The following PNPT1 variants were observed in gnomAD, a reference collection of about 807,000 sequenced individuals.
The protein encoded by PNPT1 is polyribonucleotide nucleotidyltransferase 1, also known as polyribonucleotide nucleotidyltransferase 1, mitochondrial.
In PNPT1, 53 loss-of-function variants were observed where a neutral mutation model predicts 119.5. The observed-to-expected ratio is 0.44, with a 90% CI of 0.36 to 0.56. The LOEUF is 0.56. PNPT1 is among the 20% of genes least tolerant of loss of function. The pLI, the probability that PNPT1 is intolerant of heterozygous loss-of-function variation, is 0.00. For missense variants in PNPT1, 948 were observed against 938.5 expected (o/e 1.01, Z -0.13); for synonymous variants, 357 against 322.1 (o/e 1.11, Z -1.16).
intron 1 of PNPT1, among the ~76,000 whole-genome samples, chr2:55,689,701 G>A (rs761324694): frequency 4.6e-5 from 7 of 152,162 alleles, no homozygotes; most frequent in Non-Finnish European, 8.8e-5. Context: ...GGGGAGAAAC[G>A]CTAAGTGACT....
chr2:55,681,098 CT>C (rs1291813082), intron 5 of PNPT1, among the ~76,000 whole-genome samples, 180 bp from the exon 6 acceptor site: 1 of 152,208 alleles, frequency 6.6e-6, no homozygotes, highest in African/African-American at 2.4e-5. Flanking sequence ...ACCTCAAAAG[CT>C]TCCTCATCTT....
intron 18 of PNPT1, among the ~76,000 whole-genome samples, chr2:55,650,141 C>CACCTCTACCTCT (rs75906141): frequency 0.013 from 1,885 of 149,922 alleles, 29 homozygotes; most frequent in African/African-American, 0.031. Context: ...TCCCTCTCTC[C>CACCTCTACCTCT]ACCTCTACCT....
chr2:55,678,408 T>C (rs908761397), intron 8 of PNPT1, among the ~76,000 whole-genome samples: 7 of 152,252 alleles, frequency 4.6e-5, no homozygotes, highest in Admixed American at 2.0e-4. Flanking sequence ...GTCGAGGCTA[T>C]AGTCATGTGC....
At chr2:55,684,825 A>G (rs1172034374) in intron 4 of PNPT1, 118 bp downstream of exon 4, 2 of 1,238,242 alleles carry the variant, frequency 1.6e-6, no homozygotes, top group African/African-American at 1.5e-5. Context: ...GAATAATCTT[A>G]GGTGGTGTTA....
intron 3 of PNPT1, 39 bp from the exon 4 acceptor site, chr2:55,685,087 T>C: frequency 1.3e-6 from 2 of 1,493,232 alleles, no homozygotes; most frequent in Non-Finnish European, 1.8e-6. Flanking sequence ...TAATTCTTTT[T>C]GCAGAAACAA....
At chr2:55,649,888 T>C (rs1052023140) in intron 18 of PNPT1, among the ~76,000 whole-genome samples, 1 of 152,218 alleles carries the variant, frequency 6.6e-6, no homozygotes, top group Admixed American at 6.5e-5. Flanking sequence ...ATAAACTTTT[T>C]CATGGTATAC....
At position 55,673,039 on chromosome 2, in the gene PNPT1, G is replaced by A; in HGVS notation, c.720C>T (p.Asp240=). The A allele has an allele frequency of 6.2e-7, 1 of 1,611,278 alleles. No individual in the cohort carries two copies. Among genetic ancestry groups the A allele is most frequent in the Non-Finnish European group, 8.5e-7 (1 of 1,179,414 alleles). ...CTCCCACTTTGATAGCATGGCAAAA[G>A]TCCTGCTGTAAAATGTTCTCTGCAG... is the stretch of plus-strand genomic sequence containing the variant. ...EASAENILQQ[D]FCHAIKVGVK... is the part of the protein sequence containing the mutation. The change falls in exon 9 of 28, where the codon GAC becomes GAT. Residue 240 remains aspartate (D), a synonymous_variant. Transcript: ENST00000447944.
chr2:55,655,655 G>A (rs1159390433), intron 17 of PNPT1, among the ~76,000 whole-genome samples: 1 of 152,168 alleles, frequency 6.6e-6, no homozygotes, highest in Non-Finnish European at 1.5e-5. Context: ...ATTTACGTCT[G>A]TTACACCTTT....
chr2:55,636,225 TA>T lies in PNPT1; in HGVS notation c.*11del, dbSNP rs35916020. Reference sequence around the variant, plus strand: ...CAAAATAGAATTCTAGAATTCTCTTTAAAAAAAAAAATCACTGAGAATTAGA... The same window carrying T: ...CAAAATAGAATTCTAGAATTCTCTTTAAAAAAAAAATCACTGAGAATTAGA... On this transcript the variant is annotated 3_prime_UTR_variant, in exon 28 of 28. Coordinates refer to ENST00000447944, the MANE Select transcript of PNPT1 (RefSeq NM_033109.5). 3.2e-3 allele frequency: 4,253 copies of T among 1,336,282 alleles called. No individual in the cohort carries two copies. The highest frequency in any genetic ancestry group is 0.011 in the East Asian group (362 of 31,918). 82.8% of individuals were successfully genotyped at this position (1,336,282 alleles called of 1,614,324 possible).
chr2:55,684,554 T>G (rs561567526), intron 4 of PNPT1, among the ~76,000 whole-genome samples: 1 of 152,350 alleles, frequency 6.6e-6, no homozygotes, highest in African/African-American at 2.4e-5. Context: ...ATTATGGACA[T>G]ATTTCAGTAG....
chr2:55,668,175 A>T (rs1463257118), intron 11 of PNPT1, among the ~76,000 whole-genome samples: 1 of 152,202 alleles, frequency 6.6e-6, no homozygotes, highest in Non-Finnish European at 1.5e-5. Context: ...TGTTATTGTG[A>T]ACTTAGTTTG....
chr2:55,685,348 G>C (rs1274706450), intron 3 of PNPT1, among the ~76,000 whole-genome samples: 3 of 152,098 alleles, frequency 2.0e-5, no homozygotes, highest in Non-Finnish European at 4.4e-5. Flanking sequence ...AACACAGAAA[G>C]ACCTTGTCTC....
At chr2:55,685,641 C>T (rs1485051116) in intron 3 of PNPT1, among the ~76,000 whole-genome samples, 1 of 152,130 alleles carries the variant, frequency 6.6e-6, no homozygotes, top group Non-Finnish European at 1.5e-5. Flanking sequence ...GGTATCAACT[C>T]TGTTAAATAT....
At chr2:55,677,550 C>T (rs1421167013) in intron 8 of PNPT1, among the ~76,000 whole-genome samples, 1 of 129,540 alleles carries the variant, frequency 7.7e-6, no homozygotes, top group Non-Finnish European at 1.6e-5. Context: ...GCTGAGATCG[C>T]ACTGCTGCAC....
At chr2:55,650,881 G>C (rs1183714066) in intron 18 of PNPT1, among the ~76,000 whole-genome samples, 3 of 150,508 alleles carry the variant, frequency 2.0e-5, no homozygotes, top group East Asian at 4.0e-4. Flanking sequence ...CAGCCACCTC[G>C]TCCGGCAGGG....
intron 13 of PNPT1, among the ~76,000 whole-genome samples, chr2:55,664,187 G>A (rs1224751753): frequency 6.6e-6 from 1 of 152,212 alleles, no homozygotes; most frequent in African/African-American, 2.4e-5. Context: ...ACACCACCTT[G>A]TGGGGGTTTA....
At chr2:55,644,257 CT>C (rs1022157449) in intron 23 of PNPT1, among the ~76,000 whole-genome samples, 183 of 151,770 alleles carry the variant, frequency 1.2e-3, no homozygotes, top group African/African-American at 3.8e-3. Flanking sequence ...TAAATTAAAG[CT>C]TTTTTTTATA....
chr2:55,667,771 AAAAC>A (rs1443642421), intron 12 of PNPT1, 87 bp downstream of exon 12: 17 of 1,498,268 alleles, frequency 1.1e-5, no homozygotes, highest in African/African-American at 1.4e-5. Flanking sequence ...CACTTGAAAA[AAAAC>A]AAACTTTCTT....
intron 5 of PNPT1, among the ~76,000 whole-genome samples, chr2:55,683,072 A>T (rs1490125655): frequency 6.6e-6 from 1 of 152,222 alleles, no homozygotes; most frequent in Non-Finnish European, 1.5e-5. Context: ...ATTAAAATAT[A>T]ATAAAGTAGA....
Sources: allele counts gnomAD v4.1 joint callset (sites outside exome capture counted in the v4.1 genomes callset), GRCh38; gene constraint gnomAD v4.1.1; transcripts MANE v1.5; gene names NCBI Gene and HGNC (gene_info 2026-07-23, HGNC 2026-07-21).